The following RALGDS variants were observed in gnomAD, a reference collection of about 807,000 sequenced individuals.
RALGDS encodes ral guanine nucleotide dissociation stimulator.
Under a neutral mutation model 99.8 loss-of-function variants are expected in RALGDS, and 44 were observed. The ratio of observed to expected loss-of-function variants is 0.44; its 90% CI spans 0.35 to 0.57. The LOEUF is 0.57. Ranked by LOEUF, RALGDS falls within the 20% of genes least tolerant of loss-of-function variation. RALGDS has a pLI of 0.01. For missense variants in RALGDS, 1,022 were observed against 1,203.1 expected, an observed-to-expected ratio of 0.85 and a Z score of 2.23; for synonymous variants, 529 against 505.0, an observed-to-expected ratio of 1.05 and a Z score of -0.64.
At chr9:133,109,267 A>G (rs667990) in intron 4 of RALGDS, among the ~76,000 whole-genome samples, 87,997 of 152,020 alleles carry the variant, frequency 0.58, 25,843 homozygotes, top group African/African-American at 0.67. Flanking sequence ...CAGCCTGCCC[A>G]CTGAGCACTC....
rs531923178 is a variant in RALGDS, at chr9:133,140,327, C to T, written c.18+8636G>A. Among the ~76,000 whole-genome samples the T allele has an allele frequency of 2.7e-5, 4 of 150,666 alleles. No individual in the cohort carries two copies. In the South Asian group the frequency reaches 6.4e-4, roughly 24 times the overall value. On this transcript the variant is annotated intron_variant, in intron 1 of 17. Coordinates refer to the RALGDS transcript ENST00000393160. Reference sequence around the variant, plus strand: ...GATCAGGACAAAGTCCCAAGAGGGGCGGGTGCCAGAGGTGGGGGAAGTTCC... The same window carrying T: ...GATCAGGACAAAGTCCCAAGAGGGGTGGGTGCCAGAGGTGGGGGAAGTTCC...
At chr9:133,125,942 T>A (rs905225779), upstream of RALGDS, among the ~76,000 whole-genome samples, 9 of 152,110 alleles carry the variant, frequency 5.9e-5, no homozygotes, top group Non-Finnish European at 1.0e-4. Context: ...CTGTGGGGAC[T>A]GAGGCCGTGG....
At chr9:133,127,251 G>T (rs1832190251) in intron 1 of RALGDS, among the ~76,000 whole-genome samples, 1 of 152,396 alleles carries the variant, frequency 6.6e-6, no homozygotes, top group East Asian at 1.9e-4. Context: ...AGTTCTGGGG[G>T]CTGCCGGACA....
chr9:133,109,008 G>A, intron 4 of RALGDS, 142 bp from the exon 5 acceptor site: 1 of 815,336 alleles, frequency 1.2e-6, no homozygotes, highest in Non-Finnish European at 2.0e-6. Context: ...GAACCAAGGA[G>A]GCCCCTGGTC....
At position 133,108,282 on chromosome 9, in the gene RALGDS, T is replaced by C; in HGVS notation, c.903A>G (p.Pro301=). The C allele has an allele frequency of 6.4e-7, 1 of 1,564,728 alleles. No homozygotes were observed. The highest frequency in any genetic ancestry group is 8.7e-7 in the Non-Finnish European group (1 of 1,154,776). The part of the protein sequence containing the change: ...PEPEPAPTPA[P]GSELEVAPAP... ...CTGGAGCTACTTCTAGCTCTGAACC[T>C]GGAGCTGGTGTTGGAGCTGGCTCTG... Residue 301 remains proline, a synonymous_variant, in exon 6 of 18, where the codon CCA becomes CCG. Coordinates refer to ENST00000372050, the MANE Select transcript of RALGDS (RefSeq NM_006266.4).
chr9:133,106,964 G>A, intron 7 of RALGDS, 121 bp downstream of exon 7: 4 of 1,166,688 alleles, frequency 3.4e-6, no homozygotes, highest in Non-Finnish European at 5.0e-6. Context: ...GGCTGGGAGA[G>A]TCAAGGCCAG....
At chr9:133,106,577 TA>T in intron 8 of RALGDS, 67 bp downstream of exon 8, 1 of 1,263,568 alleles carries the variant, frequency 7.9e-7, no homozygotes, top group Non-Finnish European at 1.1e-6. Context: ...ATGGGCTCAC[TA>T]AGGGGGTGAT....
At chr9:133,117,501 C>T (rs1831668812) in intron 1 of RALGDS, among the ~76,000 whole-genome samples, 1 of 152,256 alleles carries the variant, frequency 6.6e-6, no homozygotes, top group Non-Finnish European at 1.5e-5. Context: ...TCCTGCCCCG[C>T]CCGCCAAGCC....
intron 17 of RALGDS, chr9:133,099,430 CTG>C (rs1227297585): frequency 2.0e-5 from 3 of 153,136 alleles, no homozygotes; most frequent in Non-Finnish European, 2.9e-5. Flanking sequence ...AGGATTTAGA[CTG>C]TAACTTCTAG....
intron 5 of RALGDS, 113 bp downstream of exon 5, chr9:133,108,560 T>A: frequency 6.9e-7 from 1 of 1,452,428 alleles, no homozygotes; most frequent in Non-Finnish European, 9.4e-7. Context: ...CTGTGTGGTC[T>A]GAGGCTCATC....
At chr9:133,142,638 G>C (rs1355375683) in intron 1 of RALGDS, among the ~76,000 whole-genome samples, 1 of 152,192 alleles carries the variant, frequency 6.6e-6, no homozygotes. Flanking sequence ...CCCCTATGGG[G>C]GGGCCCACAT....
In RALGDS at chr9:133,106,010, A is replaced by G. The variant is rs565038902; in HGVS notation, c.1524T>C (p.Ser508=). 1.2e-6 allele frequency: 2 copies of G among 1,607,946 alleles called. No individual in the cohort carries two copies. Among genetic ancestry groups the G allele is most frequent in the African/African-American group, 1.3e-5 (1 of 74,328 alleles). The change falls in exon 9 of 18, where the codon AGT becomes AGC. Residue 508 remains serine (S), a synonymous_variant. Transcript: ENST00000372050. Reference sequence around the variant, plus strand: ...CTGACAGCTTCTGAAAGATCCGGAAACTGTCCCTGTCAGAAGGGCAAAGAA... The same window carrying G: ...CTGACAGCTTCTGAAAGATCCGGAAGCTGTCCCTGTCAGAAGGGCAAAGAA... The part of the protein sequence containing the change: ...KKTWEDVSRD[S]FRIFQKLSEI...
upstream of RALGDS, chr9:133,131,172 T>G: frequency 7.2e-7 from 1 of 1,385,414 alleles, no homozygotes; most frequent in Non-Finnish European, 9.3e-7. Flanking sequence ...CACATCCTCT[T>G]CCGGTGGCTT....
At chr9:133,107,966 C>T (rs1157592781) in intron 6 of RALGDS, 22 bp downstream of exon 6, 2 of 1,612,590 alleles carry the variant, frequency 1.2e-6, no homozygotes, top group Non-Finnish European at 8.5e-7. Context: ...CCACCCCTGC[C>T]CTGCCAAGCT....
At chr9:133,114,283 C>G (rs2119184792) in intron 1 of RALGDS, among the ~76,000 whole-genome samples, 1 of 152,332 alleles carries the variant, frequency 6.6e-6, no homozygotes, top group African/African-American at 2.4e-5. Context: ...CCTGTCTTCT[C>G]TGGTCGCTTC....
chr9:133,104,403 G>C, intron 9 of RALGDS, 72 bp from the exon 10 acceptor site: 1 of 1,398,106 alleles, frequency 7.2e-7, no homozygotes, highest in African/African-American at 1.4e-5. Flanking sequence ...CTGGGGTGCT[G>C]CCAGTGTGGT....
intron 1 of RALGDS, among the ~76,000 whole-genome samples, chr9:133,143,310 G>A (rs1832554991): frequency 6.6e-6 from 1 of 152,050 alleles, no homozygotes; most frequent in African/African-American, 2.4e-5. Flanking sequence ...CAGGCACCCA[G>A]CGCCAGCCAG....
rs957917376 is a variant in RALGDS, at chr9:133,098,559, C to G, written c.*28G>C. The G allele has an allele frequency of 1.2e-6, 2 of 1,612,772 alleles. No individual in the cohort carries two copies. The highest frequency in any genetic ancestry group is 2.7e-5 in the African/African-American group (2 of 75,014). On this transcript the variant is annotated 3_prime_UTR_variant, in exon 18 of 18. Transcript: ENST00000372050. ...CTCTGGTCCATAAGTGCTTGGCTAC[C>G]AGCCAGCCAGACCCTGGGAGGATGC...
chr9:133,101,298 T>C, intron 16 of RALGDS: 1 of 1,390,046 alleles, frequency 7.2e-7, no homozygotes, highest in Non-Finnish European at 9.7e-7. Context: ...GCACCGCCCC[T>C]TCAGCTCCTG....
Sources: allele counts gnomAD v4.1 joint callset (sites outside exome capture counted in the v4.1 genomes callset), GRCh38; gene constraint gnomAD v4.1.1; transcripts MANE v1.5; gene names NCBI Gene and HGNC (gene_info 2026-07-23, HGNC 2026-07-21).